MIS18BP1: variants seen among roughly 807,000 people sequenced by gnomAD.
MIS18BP1 encodes MIS18 binding protein 1.
Under a neutral mutation model 116.1 loss-of-function variants are expected in MIS18BP1, and 72 were observed. The observed-to-expected ratio is 0.62, with a 90% CI of 0.51 to 0.75. The LOEUF is 0.75. Among genes scored for constraint, MIS18BP1 ranks in the 30% least tolerant of loss-of-function variants. MIS18BP1 has a pLI of 0.00. For missense variants in MIS18BP1, 1,363 were observed against 1,303.2 expected, an observed-to-expected ratio of 1.05 and a Z score of -0.71; for synonymous variants, 386 against 427.0, an observed-to-expected ratio of 0.90 and a Z score of 1.18.
chr14:45,236,766 A>G (rs960655250), intron 5 of MIS18BP1, among the ~76,000 whole-genome samples: 2 of 152,166 alleles, frequency 1.3e-5, no homozygotes, highest in Non-Finnish European at 2.9e-5. Flanking sequence ...CCTCAGCACA[A>G]CTAACTAGGT....
chr14:45,235,419 C>T (rs759109290), intron 6 of MIS18BP1, among the ~76,000 whole-genome samples: 2 of 150,998 alleles, frequency 1.3e-5, no homozygotes, highest in African/African-American at 2.4e-5. Context: ...GGTGAAACCC[C>T]GTCTCTACTA....
chr14:45,231,487 A>G (rs1891277641), intron 7 of MIS18BP1, 189 bp from the exon 8 acceptor site: 2 of 477,476 alleles, frequency 4.2e-6, no homozygotes, highest in Admixed American at 3.8e-5. Context: ...GAGGTGTAAC[A>G]TCTTAAGTCA....
intron 12 of MIS18BP1, 108 bp downstream of exon 12, chr14:45,218,174 A>G: frequency 8.2e-7 from 1 of 1,220,010 alleles, no homozygotes; most frequent in South Asian, 1.5e-5. Flanking sequence ...TTAAAATTTT[A>G]AGAAAATACC....
intron 14 of MIS18BP1, 191 bp from the exon 15 acceptor site, chr14:45,206,361 A>G: frequency 2.1e-6 from 1 of 483,114 alleles, no homozygotes; most frequent in Admixed American, 3.6e-5. Context: ...ATAATGGCTC[A>G]CTGCAGCCTC....
rs77363574 is a variant in MIS18BP1 at position 45,212,252 on chromosome 14, T to C, written c.3004-1724A>G. 1.2e-4 allele frequency among the ~76,000 whole-genome samples: 19 copies of C among 152,164 alleles called. No individual in the cohort carries two copies. In the East Asian group the frequency reaches 2.3e-3, roughly 19 times the overall value. On this transcript the variant is annotated intron_variant, in intron 13 of 16. Coordinates refer to ENST00000310806, the MANE Select transcript of MIS18BP1 (RefSeq NM_018353.5). ...TATGGGCCCTAATCTCTCTCTCTCT[T>C]CCTCCATCTTTTCTATTCCTCCCAG...
In MIS18BP1 at chr14:45,204,458, A is replaced by G; in HGVS notation, c.3241-5T>C. The G allele has an allele frequency of 6.3e-7, 1 of 1,589,654 alleles. No homozygotes were observed. On this transcript the variant is annotated splice_polypyrimidine_tract_variant and splice_region_variant and intron_variant, in intron 15 of 16. Transcript: ENST00000310806. ...AGTTGAGAAATCAGTTTCAACCTAT[A>G]AAAGAGTTACTATTAATAGCTAAAT...
intron 1 of MIS18BP1, 55 bp downstream of exon 1, chr14:45,252,980 A>C (rs1178238065): frequency 2.0e-5 from 3 of 152,266 alleles, no homozygotes; most frequent in Non-Finnish European, 4.4e-5. Context: ...GCAGACGCCC[A>C]CCATCTGCGG....
Position 45,246,713 on chromosome 14 carries a change from A to G in MIS18BP1, c.544+30T>C, listed in dbSNP as rs1295389304. 6 of 1,525,294 alleles carry G rather than the reference A, an allele frequency of 3.9e-6. No individual in the cohort carries two copies. The South Asian group carries it at 8.1e-5, about 21-fold the overall frequency. 94.5% of individuals were successfully genotyped at this position (1,525,294 alleles called of 1,614,324 possible). A position where few individuals can be genotyped will look rare whatever the true frequency, so the allele number is the denominator to read the frequency against. ...TGAAACATTAAACACTTAAGACATT[A>G]CAGCTTTTTAGCTAACACATAAAAC... On this transcript the variant is annotated intron_variant, in intron 2 of 16. Transcript: ENST00000310806.
intron 4 of MIS18BP1, 136 bp from the exon 5 acceptor site, chr14:45,237,857 A>G: frequency 1.6e-6 from 2 of 1,246,230 alleles, no homozygotes; most frequent in Non-Finnish European, 2.1e-6. Flanking sequence ...TAAGATTCAC[A>G]TTCTATTCTA....
intron 4 of MIS18BP1, among the ~76,000 whole-genome samples, chr14:45,238,217 T>C (rs1008236394): frequency 1.3e-5 from 2 of 151,826 alleles, no homozygotes; most frequent in African/African-American, 4.8e-5. Context: ...TATTCCAAAG[T>C]AAACATCTGA....
intron 4 of MIS18BP1, among the ~76,000 whole-genome samples, chr14:45,239,572 C>T (rs1402498648): frequency 6.6e-6 from 1 of 152,112 alleles, no homozygotes; most frequent in Non-Finnish European, 1.5e-5. Flanking sequence ...CTAAGTACAG[C>T]TCGGTAAACC....
intron 13 of MIS18BP1, 99 bp downstream of exon 13, chr14:45,216,920 T>C (rs1322251465): frequency 2.3e-6 from 3 of 1,296,320 alleles, no homozygotes; most frequent in South Asian, 2.8e-5. Flanking sequence ...AGGCTACTGA[T>C]CCTTGGCCTA....
Position 45,217,065 on chromosome 14 carries a change from T to A in MIS18BP1, c.2957A>T (p.His986Leu), listed in dbSNP as rs139950206. ...AGGTGTTGTACTGAAAAAATCATCA[T>A]GGTCATCTTTTGGCAACTGTTCCAG... ...EFLEQLPKDD[H>L]DDFFSTTPLQ... The change falls in exon 13 of 17, where the codon CAT (histidine) becomes CTT (leucine). Residue 986 changes from histidine to leucine, a missense_variant. By Grantham distance (99) the His-to-Leu change is moderately conservative. Transcript: ENST00000310806. The A allele has an allele frequency of 2.2e-3, 3,542 of 1,614,128 alleles. 9 individuals carry two copies. The highest frequency in any genetic ancestry group is 2.7e-3 in the Non-Finnish European group (3,228 of 1,179,986).
At chr14:45,233,096 T>A (rs1306937737) in intron 6 of MIS18BP1, among the ~76,000 whole-genome samples, 1 of 152,184 alleles carries the variant, frequency 6.6e-6, no homozygotes, top group African/African-American at 2.4e-5. Context: ...TGTATCGATA[T>A]GTCCATGGGG....
chr14:45,225,034 T>C (rs987728047), intron 10 of MIS18BP1, among the ~76,000 whole-genome samples: 8 of 152,090 alleles, frequency 5.3e-5, no homozygotes, highest in African/African-American at 9.7e-5. Flanking sequence ...ATAGTTCCAA[T>C]CTCTCACTGT....
chr14:45,221,539 TTTAA>T (rs1480109388), intron 11 of MIS18BP1, among the ~76,000 whole-genome samples: 1 of 152,232 alleles, frequency 6.6e-6, no homozygotes, highest in African/African-American at 2.4e-5. Flanking sequence ...TAATAAGTTA[TTTAA>T]TTTTCAACCA....
At chr14:45,228,907 A>C (rs1161623978) in intron 8 of MIS18BP1, among the ~76,000 whole-genome samples, 1 of 152,222 alleles carries the variant, frequency 6.6e-6, no homozygotes, top group South Asian at 2.1e-4. Flanking sequence ...GTACCTTTAC[A>C]TAACCTTAGC....
intron 1 of MIS18BP1, among the ~76,000 whole-genome samples, chr14:45,249,260 T>C (rs1198225068): frequency 6.6e-6 from 1 of 152,062 alleles, no homozygotes; most frequent in African/African-American, 2.4e-5. Context: ...CCCGGCTAAT[T>C]TTTGTATTTT....
intron 2 of MIS18BP1, among the ~76,000 whole-genome samples, chr14:45,243,243 G>C (rs1372625100): frequency 1.3e-5 from 2 of 152,082 alleles, no homozygotes; most frequent in Non-Finnish European, 2.9e-5. Context: ...ACCCAGTCTT[G>C]AAAATTCCGA....
Sources: allele counts gnomAD v4.1 joint callset (sites outside exome capture counted in the v4.1 genomes callset), GRCh38; gene constraint gnomAD v4.1.1; transcripts MANE v1.5; gene names NCBI Gene and HGNC (gene_info 2026-07-23, HGNC 2026-07-21).